The following NLK variants were observed in gnomAD, a reference collection of about 807,000 sequenced individuals.
NLK encodes nemo like kinase.
In NLK, 11 loss-of-function variants were observed where a neutral mutation model predicts 59.0. The observed-to-expected ratio is 0.19, with a 90% confidence interval of 0.12 to 0.31. The LOEUF is 0.31. NLK is among the 10% of genes least tolerant of loss of function. NLK has a pLI of 1.00. For missense variants in NLK, 410 were observed against 661.1 expected, an observed-to-expected ratio of 0.62 and a Z score of 4.16; for synonymous variants, 235 against 235.9, an observed-to-expected ratio of 1.00 and a Z score of 0.03.
chr17:28,064,090 C>T (rs1909751871), intron 1 of NLK, among the ~76,000 whole-genome samples: 1 of 149,810 alleles, frequency 6.7e-6, no homozygotes, highest in South Asian at 2.1e-4. Context: ...ATTTGCTGAT[C>T]AGAGGAAGTC....
rs139051792 is a variant in NLK at position 28,136,320 on chromosome 17, A to G, written c.644+3645A>G. Among the ~76,000 whole-genome samples, 6 of 152,316 alleles carry G rather than the reference A, an allele frequency of 3.9e-5. No individual in the cohort carries two copies. The East Asian group carries it at 1.2e-3, about 29-fold the overall frequency. On this transcript the variant is annotated intron_variant, in intron 3 of 10. Coordinates refer to ENST00000407008, the MANE Select transcript of NLK (RefSeq NM_016231.5). ...GTTTTCTGCCTTATAATTCTTAGCTACATGTAGAAGTATGCATAGAAAAAA... is the reference window on the plus strand; with the variant it reads ...GTTTTCTGCCTTATAATTCTTAGCTGCATGTAGAAGTATGCATAGAAAAAA...
intron 8 of NLK, 75 bp from the exon 9 acceptor site, chr17:28,190,946 T>G: frequency 3.0e-6 from 3 of 1,014,110 alleles, no homozygotes; most frequent in Non-Finnish European, 4.4e-6. Context: ...GCAGTTAATG[T>G]GTCTTTTGAA....
intron 6 of NLK, chr17:28,171,463 T>A (rs1446078173): frequency 1.3e-5 from 2 of 152,230 alleles, no homozygotes; most frequent in Non-Finnish European, 2.9e-5. Flanking sequence ...AAAGACTTGT[T>A]TGCAAGAAGA....
chr17:28,130,852 T>TA (rs1278748037), intron 2 of NLK, among the ~76,000 whole-genome samples: 1 of 152,110 alleles, frequency 6.6e-6, no homozygotes, highest in Non-Finnish European at 1.5e-5. Flanking sequence ...TTTATTGGTT[T>TA]AAAAAATATA....
downstream of NLK, among the ~76,000 whole-genome samples, chr17:28,200,472 G>A (rs1021813964): frequency 6.6e-6 from 1 of 152,074 alleles, no homozygotes; most frequent in Non-Finnish European, 1.5e-5. Context: ...TTTACTTTAT[G>A]TTACTTTATT....
intron 3 of NLK, among the ~76,000 whole-genome samples, chr17:28,148,713 G>A (rs1907356741): frequency 6.6e-6 from 1 of 152,220 alleles, no homozygotes; most frequent in Non-Finnish European, 1.5e-5. Context: ...CACATGGTAA[G>A]CTCAAAAATA....
At chr17:28,130,465 G>A (rs903347206) in intron 2 of NLK, among the ~76,000 whole-genome samples, 2 of 152,114 alleles carry the variant, frequency 1.3e-5, no homozygotes, top group African/African-American at 2.4e-5. Flanking sequence ...TGTACCTTTT[G>A]AACTAACAAT....
At chr17:28,199,647 CAG>C (rs201932485), downstream of NLK, among the ~76,000 whole-genome samples, 1,039 of 109,412 alleles carry the variant, frequency 9.5e-3, 6 homozygotes, top group Admixed American at 0.016. Flanking sequence ...GCCTGGATGA[CAG>C]AGTGAGACTC....
chr17:28,076,340 T>C (rs1026354929), intron 1 of NLK, among the ~76,000 whole-genome samples: 1 of 152,168 alleles, frequency 6.6e-6, no homozygotes, highest in African/African-American at 2.4e-5. Flanking sequence ...TCCTGGTTCA[T>C]AGATGATACA....
intron 3 of NLK, among the ~76,000 whole-genome samples, chr17:28,159,953 G>T (rs140741227): frequency 6.6e-6 from 1 of 152,272 alleles, no homozygotes; most frequent in African/African-American, 2.4e-5. Context: ...GTGGTTTGTG[G>T]TGCAAGCAAC....
intron 1 of NLK, among the ~76,000 whole-genome samples, chr17:28,110,374 T>G (rs1905412371): frequency 6.6e-6 from 1 of 152,106 alleles, no homozygotes; most frequent in African/African-American, 2.4e-5. Flanking sequence ...TCATTTATCA[T>G]ATTGTTGTTT....
At chr17:28,074,001 T>G (rs1910093576) in intron 1 of NLK, among the ~76,000 whole-genome samples, 1 of 152,262 alleles carries the variant, frequency 6.6e-6, no homozygotes, top group African/African-American at 2.4e-5. Context: ...AGGACTGTTA[T>G]AACTTAATTT....
chr17:28,084,215 A>T (rs556230972), intron 1 of NLK, among the ~76,000 whole-genome samples: 2 of 152,178 alleles, frequency 1.3e-5, no homozygotes, highest in Non-Finnish European at 2.9e-5. Context: ...CTGCAAAGTG[A>T]AAGTAAAAGA....
intron 2 of NLK, among the ~76,000 whole-genome samples, chr17:28,123,841 T>C (rs1239040379): frequency 6.6e-6 from 1 of 152,234 alleles, no homozygotes; most frequent in Non-Finnish European, 1.5e-5. Context: ...CATTAGAATA[T>C]GTTTTCATTT....
the NLK span, among the ~76,000 whole-genome samples, chr17:28,204,420 G>C: frequency 6.6e-6 from 1 of 152,206 alleles, no homozygotes; most frequent in African/African-American, 2.4e-5. Flanking sequence ...CTTCTTTGAT[G>C]AAGATCTGGA....
chr17:28,117,571 A>G (rs2142812528), intron 1 of NLK, among the ~76,000 whole-genome samples: 1 of 152,338 alleles, frequency 6.6e-6, no homozygotes, highest in Middle Eastern at 3.4e-3. Flanking sequence ...TTTCAGTCAA[A>G]TATAGATATT....
chr17:28,042,825 A>G lies in NLK; in HGVS notation c.-49A>G, dbSNP rs1462664273. 6.9e-6 allele frequency: 10 copies of G among 1,447,200 alleles called. No individual in the cohort carries two copies. Among genetic ancestry groups the G allele is most frequent in the Non-Finnish European group, 9.2e-6 (10 of 1,092,368 alleles). 89.6% of individuals were successfully genotyped at this position (1,447,200 alleles called of 1,614,324 possible). A position where few individuals can be genotyped will look rare whatever the true frequency, so the allele number is the denominator to read the frequency against. On this transcript the variant is annotated 5_prime_UTR_variant, in exon 1 of 11. An upstream start codon of the reference 5' UTR is lost. Coordinates refer to ENST00000407008, the MANE Select transcript of NLK (RefSeq NM_016231.5). ...TTTTTCTTCATTTTTAAATGGCCAA[A>G]TGACAGCTTGACCCAGTTTGCTTTC...
At chr17:28,118,813 A>C (rs1905895370) in intron 1 of NLK, among the ~76,000 whole-genome samples, 1 of 152,226 alleles carries the variant, frequency 6.6e-6, no homozygotes, top group African/African-American at 2.4e-5. Flanking sequence ...GGTGTAAGTG[A>C]GGATTCTTTC....
At chr17:28,161,321 G>C in intron 4 of NLK, 55 bp downstream of exon 4, 3 of 983,452 alleles carry the variant, frequency 3.1e-6, no homozygotes, top group East Asian at 4.8e-5. Context: ...GAAATGTTTT[G>C]CTTCTCATTT....
Sources: gnomAD v4.1 joint callset for allele counts (sites outside exome capture counted in the v4.1 genomes callset) on GRCh38, gnomAD v4.1.1 for gene constraint, MANE v1.5 for transcripts, NCBI Gene and HGNC (gene_info 2026-07-23, HGNC 2026-07-21) for gene names.